TUSC3: variants seen among roughly 807,000 people sequenced by gnomAD.
TUSC3 encodes tumor suppressor candidate 3.
In TUSC3, 45 loss-of-function variants were observed where a neutral mutation model predicts 44.8. The ratio of observed to expected loss-of-function variants is 1.00; its 90% confidence interval spans 0.79 to 1.29. The LOEUF (loss-of-function observed/expected upper bound fraction) is 1.29, where lower values mean the gene tolerates loss of function less well. Ranked by LOEUF, TUSC3 falls within the 50% of genes most tolerant of loss-of-function variation. The pLI is 0.00. For missense variants in TUSC3, 519 were observed against 437.9 expected (o/e 1.19, Z -1.65); for synonymous variants, 212 against 152.9 (o/e 1.39, Z -2.85).
intron 1 of TUSC3, among the ~76,000 whole-genome samples, chr8:15,603,306 T>C (rs534421142): frequency 1.3e-5 from 2 of 151,674 alleles, no homozygotes; most frequent in Non-Finnish European, 3.0e-5. Context: ...TAGAGGAATA[T>C]TGAGATGCTA....
At chr8:15,576,726 G>C (rs1265303131) in intron 1 of TUSC3, among the ~76,000 whole-genome samples, 10 of 134,468 alleles carry the variant, frequency 7.4e-5, no homozygotes, top group African/African-American at 1.2e-4. Flanking sequence ...GGACATTTGG[G>C]TTGGTTCCAA....
Position 15,764,657 on chromosome 8 carries a change from G to C in TUSC3, c.*501G>C. The C allele has an allele frequency of 5.7e-6, 1 of 176,094 alleles. No homozygotes were observed. The highest frequency in any genetic ancestry group is 5.7e-5 in the Admixed American group (1 of 17,608). 10.9% of individuals were successfully genotyped at this position (176,094 alleles called of 1,614,324 possible). ...CTTCAGTTTCAGTTATAAAGGACGT[G>C]CACTGTTACGAATAGTGTTTTGTTA... is the stretch of plus-strand genomic sequence containing the variant. On this transcript the variant is annotated 3_prime_UTR_variant, in exon 11 of 11. Coordinates refer to ENST00000503731, the MANE Select transcript of TUSC3 (RefSeq NM_006765.4).
At chr8:15,655,877 A>G (rs527695635) in intron 3 of TUSC3, among the ~76,000 whole-genome samples, 1 of 152,178 alleles carries the variant, frequency 6.6e-6, no homozygotes, top group Non-Finnish European at 1.5e-5. Context: ...TTATTTTTGC[A>G]TAAGTTGGTT....
intron 6 of TUSC3, among the ~76,000 whole-genome samples, chr8:15,677,482 C>A (rs1458927247): frequency 6.6e-6 from 1 of 152,200 alleles, no homozygotes; most frequent in African/African-American, 2.4e-5. Flanking sequence ...GGGTTCTTTT[C>A]CAAACTCTGA....
At chr8:15,475,015 C>A (rs1012667785) in intron 1 of TUSC3, among the ~76,000 whole-genome samples, 1 of 152,034 alleles carries the variant, frequency 6.6e-6, no homozygotes, top group Non-Finnish European at 1.5e-5. Context: ...ATTACCTTTC[C>A]AAATGTTTTG....
At chr8:15,808,165 G>C in the TUSC3 span, among the ~76,000 whole-genome samples, 1 of 152,078 alleles carries the variant, frequency 6.6e-6, no homozygotes, top group African/African-American at 2.4e-5. Context: ...TATTAGAAAA[G>C]ATTTGAGTAA....
intron 7 of TUSC3, among the ~76,000 whole-genome samples, chr8:15,738,650 CCA>C (rs1811037813): frequency 6.6e-6 from 1 of 151,944 alleles, no homozygotes; most frequent in Non-Finnish European, 1.5e-5. Flanking sequence ...ACACAAAAAT[CCA>C]CACTTTTATT....
intron 6 of TUSC3, among the ~76,000 whole-genome samples, chr8:15,684,298 C>T (rs992616295): frequency 6.6e-6 from 1 of 152,108 alleles, no homozygotes; most frequent in Non-Finnish European, 1.5e-5. Flanking sequence ...CACTGTTCCT[C>T]TGTATTTGCC....
At chr8:15,518,348 A>C (rs1801249928) in intron 2 of TUSC3, among the ~76,000 whole-genome samples, 1 of 152,080 alleles carries the variant, frequency 6.6e-6, no homozygotes, top group Non-Finnish European at 1.5e-5. Flanking sequence ...AGTTTTATCC[A>C]TATAGTGTGT....
chr8:15,642,417 A>G (rs1256728007), intron 2 of TUSC3, among the ~76,000 whole-genome samples: 1 of 152,224 alleles, frequency 6.6e-6, no homozygotes, highest in Non-Finnish European at 1.5e-5. Context: ...TAAATATACG[A>G]AAGGGTTCCT....
chr8:15,777,625 C>T, the TUSC3 span, among the ~76,000 whole-genome samples: 1 of 152,002 alleles, frequency 6.6e-6, no homozygotes, highest in African/African-American at 2.4e-5. Context: ...GAAATTTTTG[C>T]ACGTAATTTT....
the TUSC3 span, among the ~76,000 whole-genome samples, chr8:15,834,640 ATTTCATATAT>A: frequency 6.6e-6 from 1 of 152,204 alleles, no homozygotes; most frequent in South Asian, 2.1e-4. Context: ...GATATGGCAT[ATTTCATATAT>A]TTCCTATCAT....
At chr8:15,694,719 T>C (rs899017563) in intron 6 of TUSC3, among the ~76,000 whole-genome samples, 5 of 152,152 alleles carry the variant, frequency 3.3e-5, no homozygotes, top group African/African-American at 1.2e-4. Context: ...AGCTCAGGAC[T>C]CCCGAGCTGC....
chr8:15,472,889 A>T (rs1471797237), intron 1 of TUSC3, among the ~76,000 whole-genome samples: 1 of 152,190 alleles, frequency 6.6e-6, no homozygotes, highest in Non-Finnish European at 1.5e-5. Context: ...GATCATCTCC[A>T]CAGCTCCACA....
intron 1 of TUSC3, among the ~76,000 whole-genome samples, chr8:15,420,487 G>A (rs1211514808): frequency 8.6e-5 from 13 of 151,624 alleles, no homozygotes; most frequent in African/African-American, 2.2e-4. Context: ...GACAGAGTGA[G>A]ACTCTGTCTC....
intron 2 of TUSC3, among the ~76,000 whole-genome samples, chr8:15,530,746 A>G (rs1801439030): frequency 6.6e-6 from 1 of 152,236 alleles, no homozygotes; most frequent in Non-Finnish European, 1.5e-5. Flanking sequence ...TTAAGTGTGT[A>G]TCTATTCTGA....
At chr8:15,837,339 T>C in the TUSC3 span, among the ~76,000 whole-genome samples, 4 of 152,212 alleles carry the variant, frequency 2.6e-5, no homozygotes, top group South Asian at 2.1e-4. Context: ...AAGAGCTTTA[T>C]TGTACTACAC....
chr8:15,721,807 A>G (rs1012090622), intron 6 of TUSC3, among the ~76,000 whole-genome samples: 9 of 152,080 alleles, frequency 5.9e-5, no homozygotes, highest in Non-Finnish European at 1.2e-4. Context: ...TATGTTTAGA[A>G]GAAACTTCAT....
intron 1 of TUSC3, among the ~76,000 whole-genome samples, chr8:15,456,033 C>A (rs1032956973): frequency 6.6e-5 from 10 of 152,152 alleles, no homozygotes; most frequent in African/African-American, 2.4e-4. Flanking sequence ...TCCGGTGGCC[C>A]TACCCAGAAT....
Sources: gnomAD v4.1 joint callset for allele counts (sites outside exome capture counted in the v4.1 genomes callset) on GRCh38, gnomAD v4.1.1 for gene constraint, MANE v1.5 for transcripts, NCBI Gene and HGNC (gene_info 2026-07-23, HGNC 2026-07-21) for gene names.